MAN2A1: variants seen among roughly 807,000 people sequenced by gnomAD.
MAN2A1 encodes alpha-mannosidase 2.
Under a neutral mutation model 142.6 loss-of-function variants are expected in MAN2A1, and 76 were observed. That is an observed-to-expected ratio of 0.53 (90% confidence interval 0.44 to 0.65). MAN2A1 has a LOEUF of 0.65. MAN2A1 is among the 30% of genes least tolerant of loss of function. The probability of loss-of-function intolerance (pLI) is 0.00; values close to 1 mark genes in which losing one functional copy is unlikely to be tolerated. For missense variants in MAN2A1, 1,311 were observed against 1,365.1 expected (o/e 0.96, Z 0.62); for synonymous variants, 559 against 473.2 (o/e 1.18, Z -2.35).
At chr5:109,757,627 C>G (rs1253897411) in intron 5 of MAN2A1, among the ~76,000 whole-genome samples, 1 of 152,172 alleles carries the variant, frequency 6.6e-6, no homozygotes, top group Non-Finnish European at 1.5e-5. Context: ...ACCATCACCA[C>G]AGTCTATTTT....
intron 19 of MAN2A1, among the ~76,000 whole-genome samples, chr5:109,850,198 C>G (rs528884279): frequency 7.4e-4 from 113 of 152,304 alleles, no homozygotes; most frequent in African/African-American, 2.6e-3. Context: ...TGGCAGAGGA[C>G]ATGCCTAATA....
intron 4 of MAN2A1, among the ~76,000 whole-genome samples, chr5:109,748,990 C>G (rs1369566205): frequency 1.3e-5 from 2 of 150,794 alleles, no homozygotes; most frequent in African/African-American, 4.9e-5. Context: ...TAAGTTGATT[C>G]ATTGGGAGCT....
intron 1 of MAN2A1, among the ~76,000 whole-genome samples, chr5:109,711,807 A>C (rs1163519645): frequency 6.6e-6 from 1 of 152,136 alleles, no homozygotes; most frequent in Non-Finnish European, 1.5e-5. Flanking sequence ...GTCTCTGTGT[A>C]TGCTGATAAA....
chr5:109,835,316 T>G (rs1024545886), intron 16 of MAN2A1, among the ~76,000 whole-genome samples: 1 of 152,236 alleles, frequency 6.6e-6, no homozygotes, highest in Non-Finnish European at 1.5e-5. Context: ...AAATGATGAT[T>G]CTGTCATCCT....
At chr5:109,693,615 C>G (rs1231729843) in intron 1 of MAN2A1, among the ~76,000 whole-genome samples, 1 of 152,064 alleles carries the variant, frequency 6.6e-6, no homozygotes, top group Non-Finnish European at 1.5e-5. Context: ...TTCTTTTTCT[C>G]TTCTCTCACA....
intron 20 of MAN2A1, chr5:109,862,968 T>C (rs1580326063): frequency 6.6e-6 from 1 of 152,190 alleles, no homozygotes; most frequent in Non-Finnish European, 1.5e-5. Context: ...AGAATTCAAA[T>C]GTAGAATTCC....
chr5:109,749,392 T>G (rs1322611511), intron 4 of MAN2A1, among the ~76,000 whole-genome samples: 1 of 152,154 alleles, frequency 6.6e-6, no homozygotes, highest in African/African-American at 2.4e-5. Flanking sequence ...TGATCAGTAA[T>G]TTTCTTAAGC....
intron 12 of MAN2A1, among the ~76,000 whole-genome samples, chr5:109,814,623 A>T (rs548723069): frequency 6.6e-6 from 1 of 152,348 alleles, no homozygotes; most frequent in South Asian, 2.1e-4. Context: ...TGATAATTAC[A>T]TAATCATTCA....
intron 4 of MAN2A1, among the ~76,000 whole-genome samples, chr5:109,729,720 C>T (rs940806755): frequency 6.6e-5 from 10 of 152,250 alleles, no homozygotes; most frequent in African/African-American, 2.4e-4. Flanking sequence ...CCACTGGAAG[C>T]AGTGGCTTAC....
rs1343053631 is a variant in MAN2A1, at chr5:109,867,942, T to C, written c.*944T>C. 3 of 152,174 alleles carry C rather than the reference T, an allele frequency of 2.0e-5. No homozygotes were observed. The highest frequency in any genetic ancestry group is 2.0e-4 in the Admixed American group (3 of 15,272). 9.4% of individuals were successfully genotyped at this position (152,174 alleles called of 1,614,324 possible). Reference sequence around the variant, plus strand: ...GTGGGTACTTTCTATGACACATAAATTGTGTAATTTTTGCCTGACAATGCT... The same window carrying C: ...GTGGGTACTTTCTATGACACATAAACTGTGTAATTTTTGCCTGACAATGCT... On this transcript the variant is annotated 3_prime_UTR_variant, in exon 22 of 22. Transcript: ENST00000261483.
intron 12 of MAN2A1, among the ~76,000 whole-genome samples, chr5:109,790,604 A>G (rs1311624306): frequency 1.3e-5 from 2 of 152,038 alleles, no homozygotes; most frequent in South Asian, 2.1e-4. Context: ...AAATTACAAA[A>G]TGTTTTCTTT....
chr5:109,784,794 A>C lies in MAN2A1; in HGVS notation c.1628A>C (p.Lys543Thr), dbSNP rs146490973. Reference protein sequence around the residue: ...YFALRQAHKYKINKFLSSSLY... With the variant: ...YFALRQAHKYTINKFLSSSLY... Reference sequence around the variant, plus strand: ...GCCCTGAGACAAGCTCACAAATACAAGATAAATAAATTTCTCTCATCATCA... The same window carrying C: ...GCCCTGAGACAAGCTCACAAATACACGATAAATAAATTTCTCTCATCATCA... Residue 543 changes from lysine to threonine, a missense_variant, in exon 10 of 22, where the codon AAG (lysine) becomes ACG (threonine). Physicochemically the swap from Lys to Thr is moderately conservative, Grantham distance 78. This residue lies in a region of MAN2A1 where 890 missense variants were observed against 920.5 expected (regional missense o/e 0.97). Coordinates refer to ENST00000261483, the MANE Select transcript of MAN2A1 (RefSeq NM_002372.4). 1.4e-5 allele frequency: 23 copies of C among 1,611,472 alleles called. No individual in the cohort carries two copies. The highest frequency in any genetic ancestry group is 1.1e-5 in the Non-Finnish European group (13 of 1,179,158).
intron 4 of MAN2A1, among the ~76,000 whole-genome samples, chr5:109,737,718 C>T (rs1219392273): frequency 2.0e-5 from 3 of 152,048 alleles, no homozygotes; most frequent in Non-Finnish European, 2.9e-5. Context: ...GTGATGTAGA[C>T]ACACACAGAA....
intron 3 of MAN2A1, among the ~76,000 whole-genome samples, chr5:109,726,063 A>C (rs2112578970): frequency 6.6e-6 from 1 of 152,286 alleles, no homozygotes. Context: ...AAAAGAATAA[A>C]TTGAAAGGTA....
intron 4 of MAN2A1, among the ~76,000 whole-genome samples, chr5:109,734,981 T>A (rs1056977190): frequency 6.6e-6 from 1 of 152,192 alleles, no homozygotes; most frequent in African/African-American, 2.4e-5. Context: ...TGTTAAAGTC[T>A]CCCATTATTA....
chr5:109,737,975 G>A (rs1752153421), intron 4 of MAN2A1, among the ~76,000 whole-genome samples: 1 of 152,146 alleles, frequency 6.6e-6, no homozygotes, highest in African/African-American at 2.4e-5. Flanking sequence ...AACTGAGGGA[G>A]CTGGTAGATG....
chr5:109,705,092 A>C (rs1751093111), intron 1 of MAN2A1, among the ~76,000 whole-genome samples: 1 of 152,030 alleles, frequency 6.6e-6, no homozygotes, highest in Non-Finnish European at 1.5e-5. Context: ...TGCCACCCAT[A>C]ATCCTCCCCC....
chr5:109,797,979 G>T (rs1753908525), intron 12 of MAN2A1, among the ~76,000 whole-genome samples: 2 of 152,076 alleles, frequency 1.3e-5, no homozygotes, highest in African/African-American at 4.8e-5. Flanking sequence ...TTTTTAAAAA[G>T]AAATTTTAAA....
intron 3 of MAN2A1, among the ~76,000 whole-genome samples, chr5:109,719,852 T>G (rs557979506): frequency 2.9e-4 from 44 of 152,294 alleles, no homozygotes; most frequent in Middle Eastern, 3.4e-3. Flanking sequence ...CCAAATTATG[T>G]TACAGTCTGA....
Sources: gnomAD v4.1 joint callset for allele counts (sites outside exome capture counted in the v4.1 genomes callset) on GRCh38, gnomAD v4.1.1 for gene constraint, gnomAD v4.1.1 regional missense constraint, MANE v1.5 for transcripts, NCBI Gene and HGNC (gene_info 2026-07-23, HGNC 2026-07-21) for gene names.